The following CLTA variants were observed in gnomAD, a reference collection of about 807,000 sequenced individuals.
The protein encoded by CLTA is clathrin, light polypeptide (Lca).
Under a neutral mutation model 26.9 loss-of-function variants are expected in CLTA, and 9 were observed. That is an observed-to-expected ratio of 0.33 (90% CI 0.20 to 0.58). CLTA has a LOEUF of 0.58. CLTA is among the 20% of genes least tolerant of loss of function. CLTA has a pLI of 0.85. For synonymous variants in CLTA, 120 were observed against 115.5 expected (o/e 1.04, Z -0.25); for missense variants, 278 against 294.2 (o/e 0.94, Z 0.40).
intron 4 of CLTA, among the ~76,000 whole-genome samples, chr9:36,208,009 C>A (rs1470297147): frequency 6.6e-6 from 1 of 152,146 alleles, no homozygotes; most frequent in African/African-American, 2.4e-5. Flanking sequence ...CAAAACACCT[C>A]CTGTGTATAA....
rs777030848 is a variant in CLTA, at chr9:36,191,134, C to T, written c.78C>T (p.Ala26=). 2.9e-5 allele frequency: 46 copies of T among 1,600,420 alleles called. No homozygotes were observed. In the South Asian group the frequency reaches 4.8e-4, roughly 17 times the overall value. ...GPALGNGVAG[A]GEEDPAAAFL... is the part of the protein sequence containing the mutation. ...CGCTGGGGAACGGAGTGGCCGGCGCCGGCGAAGAAGACCCGGCTGCGGCCT... is the reference window on the plus strand; with the variant it reads ...CGCTGGGGAACGGAGTGGCCGGCGCTGGCGAAGAAGACCCGGCTGCGGCCT... The change falls in exon 1 of 5, where the codon GCC becomes GCT. Residue 26 remains alanine (A), a synonymous_variant. Coordinates refer to ENST00000345519, the MANE Select transcript of CLTA (RefSeq NM_001833.4).
intron 3 of CLTA, among the ~76,000 whole-genome samples, chr9:36,199,551 A>T (rs1022514059): frequency 6.7e-6 from 1 of 148,678 alleles, no homozygotes; most frequent in African/African-American, 2.5e-5. Flanking sequence ...CCGGGTTCAC[A>T]CCATTCTCCT....
intron 4 of CLTA, chr9:36,210,745 G>A (rs1424667533): frequency 1.3e-6 from 2 of 1,519,904 alleles, no homozygotes; most frequent in East Asian, 2.3e-5. Context: ...AGCGGTGTTT[G>A]CCACGGCCAT....
At chr9:36,204,345 A>G (rs1229962280) in intron 4 of CLTA, among the ~76,000 whole-genome samples, 166 bp downstream of exon 4, 3 of 152,352 alleles carry the variant, frequency 2.0e-5, no homozygotes, top group East Asian at 1.9e-4. Context: ...TCTTGTGAGC[A>G]TAATTCACCC....
At chr9:36,211,001 A>C (rs972913804) in intron 4 of CLTA, among the ~76,000 whole-genome samples, 2 of 152,244 alleles carry the variant, frequency 1.3e-5, no homozygotes, top group African/African-American at 4.8e-5. Flanking sequence ...GAGTGGCCCC[A>C]AGGCACCTGG....
At chr9:36,197,187 A>G (rs1827106201) in intron 1 of CLTA, among the ~76,000 whole-genome samples, 1 of 151,968 alleles carries the variant, frequency 6.6e-6, no homozygotes, top group Non-Finnish European at 1.5e-5. Flanking sequence ...ATGAAGCTGC[A>G]GGTCTCTGCT....
intron 3 of CLTA, 54 bp downstream of exon 3, chr9:36,199,150 G>A (rs1407937557): frequency 9.0e-7 from 1 of 1,113,672 alleles, no homozygotes; most frequent in Non-Finnish European, 1.4e-6. Context: ...TAGTTGAGCT[G>A]GACTCTACTT....
rs751215288 is a variant in CLTA at position 36,201,078 on chromosome 9, G to T, written c.373+1982G>T. Among the ~76,000 whole-genome samples, 112 of 152,284 alleles carry T rather than the reference G, an allele frequency of 7.4e-4. 8 individuals carry two copies. The highest frequency in any genetic ancestry group is 3.3e-4 in the Admixed American group (5 of 15,292). ...GAGAGTCTACTTTGGTGTCTGGAAA[G>T]ATTTAATTTTTCAATTATGAAATTG... On this transcript the variant is annotated intron_variant, in intron 3 of 4. Transcript: ENST00000345519.
chr9:36,210,902 T>TG (rs2132962653), intron 4 of CLTA, among the ~76,000 whole-genome samples: 1 of 152,308 alleles, frequency 6.6e-6, no homozygotes, highest in East Asian at 1.9e-4. Flanking sequence ...AATTCCGAAC[T>TG]GGGGGTGGGC....
intron 4 of CLTA, among the ~76,000 whole-genome samples, chr9:36,206,790 G>A (rs945380613): frequency 3.9e-5 from 6 of 152,104 alleles, no homozygotes; most frequent in African/African-American, 1.4e-4. Context: ...AGCAACTCGG[G>A]AGTCTGAGGC....
At chr9:36,209,855 A>G (rs1156877136) in intron 4 of CLTA, among the ~76,000 whole-genome samples, 3 of 152,212 alleles carry the variant, frequency 2.0e-5, no homozygotes, top group Admixed American at 2.0e-4. Flanking sequence ...AGAAGAGTCC[A>G]GAGCAGAGGG....
chr9:36,194,938 C>T (rs1826935403), intron 1 of CLTA, among the ~76,000 whole-genome samples: 1 of 152,216 alleles, frequency 6.6e-6, no homozygotes, highest in South Asian at 2.1e-4. Flanking sequence ...CTTCAGACAG[C>T]ATGTGATTTT....
At chr9:36,195,309 T>C (rs1379497718) in intron 1 of CLTA, among the ~76,000 whole-genome samples, 1 of 152,220 alleles carries the variant, frequency 6.6e-6, no homozygotes, top group Non-Finnish European at 1.5e-5. Context: ...AATTAAGTTG[T>C]TCCAAGTGTT....
At chr9:36,210,711 A>G in intron 4 of CLTA, 1 of 1,608,534 alleles carries the variant, frequency 6.2e-7, no homozygotes, top group Admixed American at 1.7e-5. Context: ...ATGAAGTCGC[A>G]GTGTTGTAGT....
At chr9:36,205,333 G>A (rs1410287760) in intron 4 of CLTA, among the ~76,000 whole-genome samples, 1 of 152,160 alleles carries the variant, frequency 6.6e-6, no homozygotes, top group Non-Finnish European at 1.5e-5. Flanking sequence ...GGTTGCCAGT[G>A]GTGATGGCTT....
chr9:36,206,819 CG>C (rs1827752137), intron 4 of CLTA, among the ~76,000 whole-genome samples: 1 of 151,920 alleles, frequency 6.6e-6, no homozygotes, highest in Non-Finnish European at 1.5e-5. Flanking sequence ...CACTAGAACC[CG>C]GGAGGCAGAG....
chr9:36,203,133 G>A (rs1351975346), intron 3 of CLTA, among the ~76,000 whole-genome samples: 2 of 151,914 alleles, frequency 1.3e-5, no homozygotes, highest in African/African-American at 2.4e-5. Context: ...ACAAGCAGCC[G>A]GCATGTATTT....
intron 2 of CLTA, 102 bp downstream of exon 2, chr9:36,197,690 T>C (rs1261270120): frequency 2.4e-6 from 2 of 820,280 alleles, no homozygotes; most frequent in Non-Finnish European, 4.0e-6. Context: ...CCTTTGACTT[T>C]CCTGAATGTA....
chr9:36,201,646 A>G lies in CLTA; in HGVS notation c.374-2422A>G, dbSNP rs370161917. ...AATACATTGAAAGAAAATACTGTCC[A>G]ATCAAAAAGGTAATTATTTGGAAGT... On this transcript the variant is annotated intron_variant, in intron 3 of 4. Transcript: ENST00000345519. Among the ~76,000 whole-genome samples the G allele has an allele frequency of 2.6e-5, 4 of 152,226 alleles. No individual in the cohort carries two copies. In the East Asian group the frequency reaches 7.7e-4, roughly 29 times the overall value.
Sources: gnomAD v4.1 joint callset for allele counts (sites outside exome capture counted in the v4.1 genomes callset) on GRCh38, gnomAD v4.1.1 for gene constraint, MANE v1.5 for transcripts, NCBI Gene and HGNC (gene_info 2026-07-23, HGNC 2026-07-21) for gene names.